PLSCR2: variants seen among roughly 807,000 people sequenced by gnomAD.
The protein encoded by PLSCR2 is PL scramblase 2.
A neutral mutation model predicts 25.3 loss-of-function variants in PLSCR2; 18 were observed. The ratio of observed to expected loss-of-function variants is 0.71; its 90% confidence interval spans 0.49 to 1.06. The LOEUF (loss-of-function observed/expected upper bound fraction) is 1.06. PLSCR2 is among the 50% of genes least tolerant of loss of function. The pLI, the probability that PLSCR2 is intolerant of heterozygous loss-of-function variation, is 0.00. For synonymous variants in PLSCR2, 88 were observed against 87.3 expected (o/e 1.01, Z -0.04); for missense variants, 243 against 269.5 (o/e 0.90, Z 0.69).
intron 1 of PLSCR2, among the ~76,000 whole-genome samples, chr3:146,486,602 A>G (rs1189693336): frequency 2.0e-5 from 3 of 151,850 alleles, no homozygotes; most frequent in South Asian, 2.1e-4. Context: ...CATATACACC[A>G]TCCCAAGACT....
intron 2 of PLSCR2, among the ~76,000 whole-genome samples, chr3:146,411,881 C>T (rs1156678121): frequency 6.6e-6 from 1 of 151,216 alleles, no homozygotes; most frequent in Admixed American, 6.6e-5. Context: ...GTGATAGACT[C>T]AGGGCTTTGG....
At chr3:146,401,172 A>G (rs2038460666) in intron 2 of PLSCR2, among the ~76,000 whole-genome samples, 1 of 152,050 alleles carries the variant, frequency 6.6e-6, no homozygotes, top group Non-Finnish European at 1.5e-5. Flanking sequence ...TATGACCTTC[A>G]TTGCCTAGAA....
At chr3:146,462,425 C>T (rs542288720), upstream of PLSCR2, among the ~76,000 whole-genome samples, 4 of 151,672 alleles carry the variant, frequency 2.6e-5, no homozygotes, top group Admixed American at 1.3e-4. Context: ...GGTCAGCCCA[C>T]GACGATGAAC....
chr3:146,486,789 G>T (rs560189884), intron 1 of PLSCR2, among the ~76,000 whole-genome samples: 3 of 152,044 alleles, frequency 2.0e-5, no homozygotes, highest in African/African-American at 7.2e-5. Context: ...ACAACTGAAA[G>T]GAAGGACTCC....
At chr3:146,495,105 G>A (rs1386988381) in intron 1 of PLSCR2, 2 of 152,146 alleles carry the variant, frequency 1.3e-5, no homozygotes, top group African/African-American at 4.8e-5. Flanking sequence ...ATTAGAGTAG[G>A]AGAGAAGAGG....
intron 2 of PLSCR2, among the ~76,000 whole-genome samples, chr3:146,418,355 T>C (rs2039049369): frequency 1.3e-5 from 2 of 152,132 alleles, no homozygotes; most frequent in Admixed American, 6.6e-5. Context: ...AGCTGAAACA[T>C]CCAAAATCTC....
chr3:146,441,615 A>T, downstream of PLSCR2: 1 of 443,918 alleles, frequency 2.3e-6, no homozygotes, highest in Non-Finnish European at 4.0e-6. Context: ...TTGAAAAGTG[A>T]AATTATATAC....
chr3:146,492,922 GAAAA>G (rs1232253820), intron 1 of PLSCR2, among the ~76,000 whole-genome samples: 1 of 149,174 alleles, frequency 6.7e-6, no homozygotes, highest in Non-Finnish European at 1.5e-5. Flanking sequence ...GATGAATAAA[GAAAA>G]AAAGAGAAAA....
chr3:146,484,751 AT>A (rs1194567288), intron 1 of PLSCR2, among the ~76,000 whole-genome samples: 3 of 152,056 alleles, frequency 2.0e-5, no homozygotes, highest in Non-Finnish European at 4.4e-5. Context: ...GAGGGCTATC[AT>A]TTCCACCAGT....
At chr3:146,399,722 TTC>T (rs918001367) in intron 2 of PLSCR2, among the ~76,000 whole-genome samples, 5 of 151,134 alleles carry the variant, frequency 3.3e-5, no homozygotes, top group African/African-American at 7.3e-5. Context: ...CTCTCTCCCT[TTC>T]TCTCTCTCTC....
intron 1 of PLSCR2, among the ~76,000 whole-genome samples, chr3:146,491,243 A>G (rs1372826509): frequency 2.6e-5 from 4 of 151,704 alleles, no homozygotes; most frequent in Non-Finnish European, 5.9e-5. Flanking sequence ...TTCCTTTTTT[A>G]GGTGATCTGC....
At chr3:146,396,387 C>T (rs1370169706) in intron 2 of PLSCR2, among the ~76,000 whole-genome samples, 1 of 152,014 alleles carries the variant, frequency 6.6e-6, no homozygotes, top group Non-Finnish European at 1.5e-5. Context: ...ATACTAATTC[C>T]TTCAGAATAA....
At chr3:146,475,280 G>T (rs2042247069) in intron 1 of PLSCR2, among the ~76,000 whole-genome samples, 1 of 151,884 alleles carries the variant, frequency 6.6e-6, no homozygotes, top group Non-Finnish European at 1.5e-5. Context: ...TCATGAGTTT[G>T]CCTAGTTTCA....
intron 1 of PLSCR2, among the ~76,000 whole-genome samples, chr3:146,471,395 T>C (rs930334891): frequency 6.6e-6 from 1 of 152,206 alleles, no homozygotes; most frequent in Admixed American, 6.5e-5. Context: ...TGATTGTTAA[T>C]GAGATTGAGG....
At chr3:146,493,577 C>T (rs1260251298) in intron 1 of PLSCR2, among the ~76,000 whole-genome samples, 1 of 151,950 alleles carries the variant, frequency 6.6e-6, no homozygotes, top group Non-Finnish European at 1.5e-5. Context: ...GATAAAAATT[C>T]AATATTCCTT....
downstream of PLSCR2, among the ~76,000 whole-genome samples, chr3:146,430,515 C>G (rs561525552): frequency 6.6e-6 from 1 of 152,154 alleles, no homozygotes; most frequent in Non-Finnish European, 1.5e-5. Flanking sequence ...CATTTTAAAT[C>G]ATTCTGTCCT....
intron 6 of PLSCR2, 90 bp downstream of exon 6, chr3:146,449,116 T>A (rs1241570044): frequency 1.1e-6 from 1 of 952,100 alleles, no homozygotes; most frequent in Admixed American, 2.4e-5. Context: ...ACACTTTAAA[T>A]GGTAATCTTA....
downstream of PLSCR2, among the ~76,000 whole-genome samples, chr3:146,431,400 C>A (rs1576608650): frequency 1.3e-5 from 2 of 152,206 alleles, no homozygotes; most frequent in Admixed American, 1.3e-4. Flanking sequence ...TACCCAGACA[C>A]AACTCAGATT....
At chr3:146,470,387 A>C (rs1286180112) in intron 1 of PLSCR2, among the ~76,000 whole-genome samples, 1 of 152,116 alleles carries the variant, frequency 6.6e-6, no homozygotes, top group Non-Finnish European at 1.5e-5. Flanking sequence ...TCTACTAAAA[A>C]TACAAAAATG....
Sources: gnomAD v4.1 joint callset for allele counts (sites outside exome capture counted in the v4.1 genomes callset) on GRCh38, gnomAD v4.1.1 for gene constraint, MANE v1.5 for transcripts, NCBI Gene and HGNC (gene_info 2026-07-23, HGNC 2026-07-21) for gene names.